SRC: variants seen among roughly 807,000 people sequenced by gnomAD.
SRC encodes the protein SRC proto-oncogene, non-receptor tyrosine kinase.
In SRC, 13 loss-of-function variants were observed where a neutral mutation model predicts 62.9. The observed-to-expected ratio is 0.21, with a 90% CI of 0.13 to 0.33. The LOEUF (loss-of-function observed/expected upper bound fraction) is 0.33, where lower values mean the gene tolerates loss of function less well. Among genes scored for constraint, SRC ranks in the 10% least tolerant of loss-of-function variants. The pLI, the probability that SRC is intolerant of heterozygous loss-of-function variation, is 1.00. For synonymous variants in SRC, 302 were observed against 317.5 expected, an observed-to-expected ratio of 0.95 and a Z score of 0.52; for missense variants, 457 against 737.3, an observed-to-expected ratio of 0.62 and a Z score of 4.40.
At chr20:37,401,713 G>T (rs904357643) in intron 11 of SRC, 35 bp downstream of exon 11, 91 of 1,554,872 alleles carry the variant, frequency 5.9e-5, no homozygotes, top group Non-Finnish European at 7.7e-5. Context: ...CACACCCTTG[G>T]TCCTCAAGCA....
chr20:37,397,842 G>A lies in SRC; in HGVS notation c.847G>A (p.Glu283Lys), dbSNP rs766744528. 7 of 1,610,506 alleles carry A rather than the reference G, an allele frequency of 4.3e-6. No homozygotes were observed. Among genetic ancestry groups the A allele is most frequent in the African/African-American group, 1.3e-5 (1 of 74,854 alleles). ...EVKLGQGCFG[E>K]VWMGTWNGTT... is the part of the protein sequence containing the mutation. ...CAAGCTGGGCCAGGGCTGCTTTGGC[G>A]AGGTGTGGATGGGTAAGGCCTGGCC... Residue 283 changes from glutamate (E) to lysine (K), a missense_variant, in exon 9 of 14, where the codon GAG (glutamate) becomes AAG (lysine). Glu to Lys is a moderately conservative substitution (Grantham distance 56). Around this residue, in one of 4 missense-constraint regions of SRC, gnomAD observed 168 missense variants for 357.8 expected, o/e 0.47. Transcript: ENST00000373578. The surrounding 1 kb of genome is among the most constrained non-coding windows in gnomAD (Gnocchi z 4.1).
intron 5 of SRC, among the ~76,000 whole-genome samples, chr20:37,388,146 G>A (rs1015716554): frequency 6.6e-6 from 1 of 152,172 alleles, no homozygotes; most frequent in African/African-American, 2.4e-5. Context: ...TCTCAGACTG[G>A]GGTGACAGCT....
chr20:37,363,659 T>C (rs2070013426), intron 1 of SRC, among the ~76,000 whole-genome samples: 1 of 152,082 alleles, frequency 6.6e-6, no homozygotes, highest in Non-Finnish European at 1.5e-5. Context: ...AGTGTGGGTT[T>C]CTGCACCCCC....
chr20:37,381,959 C>T (rs1022804204), intron 2 of SRC, among the ~76,000 whole-genome samples: 1 of 152,148 alleles, frequency 6.6e-6, no homozygotes, highest in African/African-American at 2.4e-5. Flanking sequence ...ACCATACCCC[C>T]ATTGTGCAGC....
At chr20:37,362,856 G>C (rs532682067) in intron 1 of SRC, among the ~76,000 whole-genome samples, 7 of 152,264 alleles carry the variant, frequency 4.6e-5, no homozygotes, top group African/African-American at 1.4e-4. Context: ...GTGGGAAGTG[G>C]GTATAGGGAA....
In SRC at chr20:37,396,499, T is replaced by C; in HGVS notation, c.703+188T>C. Reference sequence around the variant, plus strand: ...CCTTGTCTCCTTCTTCTTCCTCTTCTTTCCCCCAGCCCCCCTCCTCCCTGT... The same window carrying C: ...CCTTGTCTCCTTCTTCTTCCTCTTCCTTCCCCCAGCCCCCCTCCTCCCTGT... On this transcript the variant is annotated intron_variant, in intron 8 of 13. Transcript: ENST00000373578. This position sits in a 1 kb window ranked among gnomAD's most constrained non-coding sequence, Gnocchi z 6.1. 1 of 714,108 alleles carries C rather than the reference T, an allele frequency of 1.4e-6. No individual in the cohort carries two copies. The highest frequency in any genetic ancestry group is 2.3e-6 in the Non-Finnish European group (1 of 442,932). 44.2% of individuals were successfully genotyped at this position (714,108 alleles called of 1,614,324 possible). A position where few individuals can be genotyped will look rare whatever the true frequency, so the allele number is the denominator to read the frequency against.
chr20:37,346,661 G>GCCCTGCGCTC (rs1206886918), intron 1 of SRC, among the ~76,000 whole-genome samples: 1 of 149,800 alleles, frequency 6.7e-6, no homozygotes, highest in Non-Finnish European at 1.5e-5. Context: ...GCGCCCCCCG[G>GCCCTGCGCTC]CCCCGGGTGG....
chr20:37,368,879 T>A (rs533438705), intron 2 of SRC, among the ~76,000 whole-genome samples: 1 of 152,316 alleles, frequency 6.6e-6, no homozygotes, highest in East Asian at 1.9e-4. Context: ...GAGAGTTTTT[T>A]ATTTTTACCT....
intron 1 of SRC, among the ~76,000 whole-genome samples, chr20:37,362,398 G>A (rs1373341735): frequency 6.6e-6 from 1 of 152,084 alleles, no homozygotes; most frequent in Non-Finnish European, 1.5e-5. Flanking sequence ...ATTCAGCCAC[G>A]TGGTGGTTAG....
rs1664882830 is a variant in SRC at position 37,398,719 on chromosome 20, A to T, written c.859+865A>T. Among the ~76,000 whole-genome samples, 2 of 152,194 alleles carry T rather than the reference A, an allele frequency of 1.3e-5. No homozygotes were observed. The highest frequency in any genetic ancestry group is 2.4e-5 in the African/African-American group (1 of 41,450). On this transcript the variant is annotated intron_variant, in intron 9 of 13. Transcript: ENST00000373578. The surrounding 1 kb of genome is among the most constrained non-coding windows in gnomAD (Gnocchi z 5.2). ...AAGCCAGGGTGTGGGCACAGCCACA[A>T]AGTGAGGACTTGAGCAACACCTGGG...
In SRC at chr20:37,396,386, C is replaced by G; in HGVS notation, c.703+75C>G. On this transcript the variant is annotated intron_variant, in intron 8 of 13. Coordinates refer to ENST00000373578, the MANE Select transcript of SRC (RefSeq NM_198291.3). The surrounding 1 kb of genome is among the most constrained non-coding windows in gnomAD (Gnocchi z 6.1). ...AGACTCTGGGGAGGGGCCTTGGAGC[C>G]TAGAAGGGTGGGGACTTCTGTTATC... The G allele has an allele frequency of 6.4e-7, 1 of 1,566,624 alleles. No individual in the cohort carries two copies. The highest frequency in any genetic ancestry group is 2.3e-5 in the East Asian group (1 of 44,384).
intron 10 of SRC, 34 bp from the exon 11 acceptor site, chr20:37,401,568 G>C (rs2070737903): frequency 6.4e-7 from 1 of 1,571,044 alleles, no homozygotes; most frequent in Admixed American, 1.7e-5. Flanking sequence ...AGAGGGACAG[G>C]GCAGGAGCTG....
chr20:37,393,646 A>T, intron 5 of SRC: 1 of 442,460 alleles, frequency 2.3e-6, no homozygotes, highest in East Asian at 3.4e-5. Flanking sequence ...GACCAAGGCC[A>T]GTCCTGCCCT....
At chr20:37,386,537 G>A in intron 5 of SRC, 1 of 706,322 alleles carries the variant, frequency 1.4e-6, no homozygotes, top group Non-Finnish European at 2.6e-6. Context: ...GGTGGGGGCT[G>A]CTGTCTGCAT....
chr20:37,402,820 G>A lies in SRC; in HGVS notation c.1342G>A (p.Val448Met), dbSNP rs1056084684. ...LYGRFTIKSD[V>M]WSFGILLTEL... Reference sequence around the variant, plus strand: ...TGGCCGCTTCACCATCAAGTCGGACGTGTGGTCCTTCGGGATCCTGCTGAC... The same window carrying A: ...TGGCCGCTTCACCATCAAGTCGGACATGTGGTCCTTCGGGATCCTGCTGAC... Residue 448 changes from valine (V) to methionine (M), a missense_variant, in exon 13 of 14, where the codon GTG (valine) becomes ATG (methionine). Around this residue, in one of 4 missense-constraint regions of SRC, gnomAD observed 168 missense variants for 357.8 expected, o/e 0.47. Coordinates refer to ENST00000373578, the MANE Select transcript of SRC (RefSeq NM_198291.3). The surrounding 1 kb of genome is among the most constrained non-coding windows in gnomAD (Gnocchi z 6.2). The A allele has an allele frequency of 1.2e-6, 2 of 1,614,082 alleles. No homozygotes were observed. Among genetic ancestry groups the A allele is most frequent in the Non-Finnish European group, 1.7e-6 (2 of 1,180,008 alleles).
intron 2 of SRC, among the ~76,000 whole-genome samples, chr20:37,365,754 T>C (rs1423387152): frequency 6.6e-6 from 1 of 152,134 alleles, no homozygotes; most frequent in Non-Finnish European, 1.5e-5. Flanking sequence ...CAGCCAGTTA[T>C]TTATTTTTTT....
chr20:37,371,499 A>G (rs943871000), intron 2 of SRC, among the ~76,000 whole-genome samples: 2 of 151,770 alleles, frequency 1.3e-5, no homozygotes, highest in African/African-American at 4.8e-5. Context: ...AGGTTTGTCA[A>G]TCTTGTTGAT....
Position 37,403,575 on chromosome 20 carries a change from G to T in SRC, c.*196G>T. 1.6e-6 allele frequency: 1 copy of T among 622,874 alleles called. No homozygotes were observed. The highest frequency in any genetic ancestry group is 2.8e-6 in the Non-Finnish European group (1 of 358,684). The allele number at this position is 622,874 out of a possible 1,614,324, so 38.6% of individuals were successfully genotyped here. On this transcript the variant is annotated 3_prime_UTR_variant, in exon 14 of 14. Coordinates refer to ENST00000373578, the MANE Select transcript of SRC (RefSeq NM_198291.3). This position sits in a 1 kb window ranked among gnomAD's most constrained non-coding sequence, Gnocchi z 7.1. ...GGTGGCCTGAGAGGGCGGTGGGTATGCGAGACCAGCACGGTGACTCTGTCC... is the reference window on the plus strand; with the variant it reads ...GGTGGCCTGAGAGGGCGGTGGGTATTCGAGACCAGCACGGTGACTCTGTCC...
intron 2 of SRC, among the ~76,000 whole-genome samples, chr20:37,371,318 T>G (rs185254944): frequency 1.4e-3 from 218 of 152,284 alleles, no homozygotes; most frequent in East Asian, 4.8e-3. Flanking sequence ...TTTGATAATT[T>G]GTGTTTTTTT....
Sources: gnomAD v4.1 joint callset for allele counts (sites outside exome capture counted in the v4.1 genomes callset) on GRCh38, gnomAD v4.1.1 for gene constraint, gnomAD v4.1.1 regional missense constraint, Gnocchi (gnomAD v3.1) non-coding constraint, MANE v1.5 for transcripts, NCBI Gene and HGNC (gene_info 2026-07-23, HGNC 2026-07-21) for gene names.